LINGO2: variants seen among roughly 807,000 people sequenced by gnomAD.
The protein encoded by LINGO2 is leucine rich repeat and Ig domain containing 2, also known as leucine-rich repeat and immunoglobulin-like domain-containing nogo receptor-interacting protein 2.
In LINGO2, 14 loss-of-function variants were observed where a neutral mutation model predicts 30.6. The observed-to-expected ratio is 0.46, with a 90% CI of 0.30 to 0.72. The LOEUF (loss-of-function observed/expected upper bound fraction) is 0.72, where lower values mean the gene tolerates loss of function less well. Ranked by LOEUF, LINGO2 falls within the 30% of genes least tolerant of loss-of-function variation. The pLI, the probability that LINGO2 is intolerant of heterozygous loss-of-function variation, is 0.07. For missense variants in LINGO2, 729 were observed against 751.7 expected (o/e 0.97, Z 0.35); for synonymous variants, 317 against 288.5 (o/e 1.10, Z -1.00).
At chr9:28,060,652 C>T (rs553280046) in intron 4 of LINGO2, among the ~76,000 whole-genome samples, 5 of 152,260 alleles carry the variant, frequency 3.3e-5, no homozygotes, top group African/African-American at 1.2e-4. Context: ...CCTCTGTGTG[C>T]TCCATATGTA....
intron 1 of LINGO2, among the ~76,000 whole-genome samples, chr9:28,541,771 A>G (rs1250717770): frequency 6.6e-6 from 1 of 152,174 alleles, no homozygotes; most frequent in Non-Finnish European, 1.5e-5. Context: ...TATTAGAAAA[A>G]TAGAACCCAC....
chr9:28,562,457 C>CAAAAAAAAAAAA (rs56998877), intron 1 of LINGO2, among the ~76,000 whole-genome samples: 9 of 109,172 alleles, frequency 8.2e-5, no homozygotes, highest in East Asian at 2.8e-4. Flanking sequence ...CATTTACTTT[C>CAAAAAAAAAAAA]AAAAAAAAAA....
At chr9:29,137,136 A>G in the LINGO2 span, among the ~76,000 whole-genome samples, 1 of 152,070 alleles carries the variant, frequency 6.6e-6, no homozygotes, top group Admixed American at 6.6e-5. Flanking sequence ...GTTTTATATC[A>G]TTCCCCTTCA....
chr9:28,233,742 C>T (rs147218774), intron 4 of LINGO2, among the ~76,000 whole-genome samples: 71 of 152,200 alleles, frequency 4.7e-4, no homozygotes, highest in Non-Finnish European at 8.1e-4. Context: ...CTTTTGGATG[C>T]CAGTTCAGCC....
intron 3 of LINGO2, among the ~76,000 whole-genome samples, chr9:28,363,238 T>G (rs1380524160): frequency 1.3e-5 from 2 of 152,242 alleles, no homozygotes; most frequent in Admixed American, 1.3e-4. Context: ...GCCTATGCTC[T>G]GCTTACTCTC....
chr9:28,137,567 C>T (rs984507945), intron 4 of LINGO2, among the ~76,000 whole-genome samples: 7 of 151,954 alleles, frequency 4.6e-5, no homozygotes, highest in Admixed American at 2.6e-4. Context: ...AAACATGAAC[C>T]TTGTAATGAC....
At chr9:29,124,068 G>T in the LINGO2 span, among the ~76,000 whole-genome samples, 292 of 152,142 alleles carry the variant, frequency 1.9e-3, 1 homozygote, top group African/African-American at 6.7e-3. Flanking sequence ...CAGATATATA[G>T]ACCAATGGAA....
chr9:28,622,048 A>G (rs1421778561), intron 1 of LINGO2, among the ~76,000 whole-genome samples: 3 of 152,066 alleles, frequency 2.0e-5, no homozygotes, highest in Non-Finnish European at 4.4e-5. Flanking sequence ...GGTACTTACT[A>G]GGTGCATATA....
At chr9:28,552,956 C>A (rs1822388678) in intron 1 of LINGO2, among the ~76,000 whole-genome samples, 1 of 150,386 alleles carries the variant, frequency 6.6e-6, no homozygotes, top group South Asian at 2.1e-4. Flanking sequence ...GGATATTAAT[C>A]CCAGATATTT....
chr9:28,795,810 C>A, the LINGO2 span, among the ~76,000 whole-genome samples: 1 of 152,084 alleles, frequency 6.6e-6, no homozygotes, highest in South Asian at 2.1e-4. Context: ...TCCTTACTAT[C>A]TTTTACTAAC....
chr9:28,663,437 C>T (rs1481937169), intron 1 of LINGO2, among the ~76,000 whole-genome samples: 1 of 152,140 alleles, frequency 6.6e-6, no homozygotes, highest in Non-Finnish European at 1.5e-5. Flanking sequence ...TCCAAAAGTG[C>T]TGGGATTACA....
At chr9:29,075,692 C>T in the LINGO2 span, among the ~76,000 whole-genome samples, 2 of 152,018 alleles carry the variant, frequency 1.3e-5, no homozygotes, top group Admixed American at 6.6e-5. Flanking sequence ...GGAAAAGAGG[C>T]ATTTCAGTTG....
At chr9:28,761,958 A>G in the LINGO2 span, among the ~76,000 whole-genome samples, 1 of 152,042 alleles carries the variant, frequency 6.6e-6, no homozygotes, top group Non-Finnish European at 1.5e-5. Context: ...CACACTGCCT[A>G]CAATGCACAT....
At chr9:28,128,310 G>A (rs551603769) in intron 4 of LINGO2, among the ~76,000 whole-genome samples, 1 of 152,210 alleles carries the variant, frequency 6.6e-6, no homozygotes, top group East Asian at 1.9e-4. Context: ...GCTTCCCCTG[G>A]GTGAGGAAAA....
intron 1 of LINGO2, among the ~76,000 whole-genome samples, chr9:28,592,872 A>G (rs969871999): frequency 1.3e-5 from 2 of 152,058 alleles, no homozygotes; most frequent in Non-Finnish European, 2.9e-5. Flanking sequence ...TATCTTCTGT[A>G]GCCCTCTTTC....
the LINGO2 span, among the ~76,000 whole-genome samples, chr9:28,794,763 G>C: frequency 1.3e-5 from 2 of 152,042 alleles, no homozygotes; most frequent in Non-Finnish European, 2.9e-5. Flanking sequence ...TGGATGGTAT[G>C]ATAGTTAAGG....
chr9:29,011,663 T>G, the LINGO2 span, among the ~76,000 whole-genome samples: 7 of 152,188 alleles, frequency 4.6e-5, no homozygotes, highest in Non-Finnish European at 8.8e-5. Context: ...CCTTGGCCAC[T>G]GATTACTGAC....
intron 4 of LINGO2, among the ~76,000 whole-genome samples, chr9:28,133,629 A>G (rs1827436222): frequency 6.6e-6 from 1 of 152,226 alleles, no homozygotes; most frequent in African/African-American, 2.4e-5. Flanking sequence ...AGACAGGCTC[A>G]GAAAGCACTG....
the LINGO2 span, among the ~76,000 whole-genome samples, chr9:28,898,572 T>C: frequency 6.6e-6 from 1 of 152,186 alleles, no homozygotes; most frequent in Non-Finnish European, 1.5e-5. Flanking sequence ...GGCTAAATCA[T>C]AGTAATCGAC....
Sources: allele counts gnomAD v4.1 joint callset (sites outside exome capture counted in the v4.1 genomes callset), GRCh38; gene constraint gnomAD v4.1.1; transcripts MANE v1.5; gene names NCBI Gene and HGNC (gene_info 2026-07-23, HGNC 2026-07-21).